NOL4: variants seen among roughly 807,000 people sequenced by gnomAD.
The protein encoded by NOL4 is nucleolar protein 4.
In NOL4, 17 loss-of-function variants were observed where a neutral mutation model predicts 75.9. That is an observed-to-expected ratio of 0.22 (90% CI 0.15 to 0.34). The LOEUF is 0.34. Ranked by LOEUF, NOL4 falls within the 10% of genes least tolerant of loss-of-function variation. The probability of loss-of-function intolerance (pLI) is 1.00; values close to 1 mark genes in which losing one functional copy is unlikely to be tolerated. For missense variants in NOL4, 614 were observed against 793.5 expected (o/e 0.77, Z 2.72); for synonymous variants, 292 against 289.9 (o/e 1.01, Z -0.07).
At chr18:34,032,701 C>A (rs1178102674) in intron 5 of NOL4, among the ~76,000 whole-genome samples, 1 of 152,172 alleles carries the variant, frequency 6.6e-6, no homozygotes, top group Admixed American at 6.5e-5. Flanking sequence ...ACCCACCCAC[C>A]TGGCCCACTG....
At chr18:33,954,556 G>C (rs2069504590) in intron 8 of NOL4, among the ~76,000 whole-genome samples, 1 of 151,728 alleles carries the variant, frequency 6.6e-6, no homozygotes, top group Admixed American at 6.6e-5. Flanking sequence ...TTAGGAAAAA[G>C]GGATTAAATG....
chr18:33,939,617 T>G (rs1006314702), intron 9 of NOL4, among the ~76,000 whole-genome samples: 3 of 152,170 alleles, frequency 2.0e-5, no homozygotes, highest in African/African-American at 7.2e-5. Context: ...TTTTGCACAT[T>G]GATTTTATAT....
chr18:34,129,846 CT>C (rs371725490), intron 2 of NOL4, 24 bp downstream of exon 2: 1,144 of 1,344,298 alleles, frequency 8.5e-4, no homozygotes, highest in South Asian at 2.4e-3. Context: ...AATGCATGCT[CT>C]TTTTTTTTTC....
chr18:33,869,233 GTA>G (rs2063579224), intron 10 of NOL4, among the ~76,000 whole-genome samples: 1 of 151,810 alleles, frequency 6.6e-6, no homozygotes, highest in Non-Finnish European at 1.5e-5. Flanking sequence ...ATAGGACAAA[GTA>G]CACATGAGAT....
chr18:33,996,004 T>C (rs144290838), intron 6 of NOL4, among the ~76,000 whole-genome samples: 246 of 152,014 alleles, frequency 1.6e-3, no homozygotes, highest in African/African-American at 5.5e-3. Context: ...ATTCTAACCA[T>C]TCCAGGAAGT....
At chr18:33,853,074 A>G in intron 10 of NOL4, 39 bp from the exon 11 acceptor site, 3 of 1,532,510 alleles carry the variant, frequency 2.0e-6, no homozygotes, top group Middle Eastern at 3.5e-4. Flanking sequence ...CATAAATATT[A>G]TTTGTTCCAG....
intron 6 of NOL4, among the ~76,000 whole-genome samples, chr18:33,976,837 C>A (rs1386794750): frequency 1.3e-5 from 2 of 152,030 alleles, no homozygotes; most frequent in Admixed American, 1.3e-4. Flanking sequence ...GATTTGAGGG[C>A]ACTATTAATA....
intron 5 of NOL4, among the ~76,000 whole-genome samples, chr18:34,050,745 T>A (rs1289867661): frequency 6.6e-6 from 1 of 152,092 alleles, no homozygotes; most frequent in Non-Finnish European, 1.5e-5. Context: ...AACAATATGT[T>A]TGTCTTATGG....
At chr18:33,918,154 C>T (rs747353085) in intron 9 of NOL4, among the ~76,000 whole-genome samples, 1 of 152,180 alleles carries the variant, frequency 6.6e-6, no homozygotes, top group East Asian at 1.9e-4. Flanking sequence ...GAATGACAGA[C>T]AGCTCAGTTC....
intron 5 of NOL4, among the ~76,000 whole-genome samples, chr18:34,082,410 CT>C (rs2078052530): frequency 1.3e-5 from 2 of 151,832 alleles, no homozygotes; most frequent in Non-Finnish European, 2.9e-5. Flanking sequence ...CTAGTAAAAA[CT>C]TTAAAAAGCT....
At position 33,951,540 on chromosome 18, in the gene NOL4, CATT is replaced by C. The variant is rs551107880; in HGVS notation, c.1428+5783_1428+5785del. 9.7e-3 allele frequency among the ~76,000 whole-genome samples: 1,479 copies of C among 152,120 alleles called. 15 individuals carry two copies. Among genetic ancestry groups the C allele is most frequent in the Non-Finnish European group, 0.012 (818 of 67,972 alleles). On this transcript the variant is annotated intron_variant, in intron 8 of 10. Transcript: ENST00000261592. ...CAATCAATTCTGAAAAATTCTTCATCATTATCTTTTTCAATTTGCCTTTTTATT... is the reference window on the plus strand; with the variant it reads ...CAATCAATTCTGAAAAATTCTTCATCATCTTTTTCAATTTGCCTTTTTATT...
At chr18:34,067,258 A>C (rs1270554697) in intron 5 of NOL4, among the ~76,000 whole-genome samples, 1 of 152,192 alleles carries the variant, frequency 6.6e-6, no homozygotes, top group Non-Finnish European at 1.5e-5. Context: ...TTTAGGCAAA[A>C]GTACCAATGA....
intron 6 of NOL4, among the ~76,000 whole-genome samples, chr18:33,995,118 G>C (rs1258008731): frequency 3.3e-5 from 5 of 151,526 alleles, no homozygotes; most frequent in African/African-American, 2.4e-5. Flanking sequence ...TGAGTTAGTA[G>C]TCAAAAACTA....
chr18:34,044,941 T>C (rs2076297792), intron 5 of NOL4, among the ~76,000 whole-genome samples: 1 of 152,202 alleles, frequency 6.6e-6, no homozygotes, highest in South Asian at 2.1e-4. Context: ...CACTACAAAA[T>C]AATACAATTT....
At chr18:34,018,380 AAAC>A (rs1205043784) in intron 6 of NOL4, among the ~76,000 whole-genome samples, 1 of 152,126 alleles carries the variant, frequency 6.6e-6, no homozygotes, top group Non-Finnish European at 1.5e-5. Flanking sequence ...AAAGAGGATA[AAAC>A]AACACACCCC....
At chr18:34,111,261 A>T (rs1249346325) in intron 2 of NOL4, among the ~76,000 whole-genome samples, 1 of 152,234 alleles carries the variant, frequency 6.6e-6, no homozygotes, top group Non-Finnish European at 1.5e-5. Context: ...TAAAGGGTTA[A>T]TTTCAAAAAC....
chr18:34,032,780 A>T (rs1355785879), intron 5 of NOL4, among the ~76,000 whole-genome samples: 2 of 152,090 alleles, frequency 1.3e-5, no homozygotes, highest in African/African-American at 2.4e-5. Context: ...AACAAACACC[A>T]GGGTACACCA....
Position 34,121,840 on chromosome 18 carries a change from A to T in NOL4, c.414+8031T>A, listed in dbSNP as rs184931398. 4.0e-3 allele frequency among the ~76,000 whole-genome samples: 607 copies of T among 152,286 alleles called. 2 individuals carry two copies. Among genetic ancestry groups the T allele is most frequent in the Non-Finnish European group, 6.5e-3 (441 of 68,022 alleles). ...TAGAGAACAAGAAGGCATTTTGGTT[A>T]TTACAGTATCTGGGGTTTGGTGGTG... On this transcript the variant is annotated intron_variant, in intron 2 of 10. Transcript: ENST00000261592.
At chr18:34,002,273 C>G (rs1172005674) in intron 6 of NOL4, among the ~76,000 whole-genome samples, 2 of 151,996 alleles carry the variant, frequency 1.3e-5, no homozygotes, top group Non-Finnish European at 2.9e-5. Flanking sequence ...GTAGCCCCCC[C>G]ATTCTCCAAG....
Sources: allele counts gnomAD v4.1 joint callset (sites outside exome capture counted in the v4.1 genomes callset), GRCh38; gene constraint gnomAD v4.1.1; transcripts MANE v1.5; gene names NCBI Gene and HGNC (gene_info 2026-07-23, HGNC 2026-07-21).